The following CSMD1 variants were observed in gnomAD, a reference collection of about 807,000 sequenced individuals.
CSMD1 encodes CUB and Sushi multiple domains 1, also known as CUB and sushi domain-containing protein 1.
Under a neutral mutation model 417.5 loss-of-function variants are expected in CSMD1, and 213 were observed. The observed-to-expected ratio is 0.51, with a 90% CI of 0.46 to 0.57. The LOEUF (loss-of-function observed/expected upper bound fraction) is 0.57. Ranked by LOEUF, CSMD1 falls within the 20% of genes least tolerant of loss-of-function variation. The pLI, the probability that CSMD1 is intolerant of heterozygous loss-of-function variation, is 0.00. For synonymous variants in CSMD1, 2,862 were observed against 1,736.8 expected (o/e 1.65, Z -16.11); for missense variants, 6,923 against 4,529.7 (o/e 1.53, Z -15.17).
chr8:4,337,561 C>T (rs554878638), intron 3 of CSMD1, among the ~76,000 whole-genome samples: 1 of 152,230 alleles, frequency 6.6e-6, no homozygotes, highest in South Asian at 2.1e-4. Context: ...CGATGAAGTA[C>T]ATGTGAGGCA....
At position 3,998,107 on chromosome 8, in the gene CSMD1, T is replaced by C. The variant is rs781511185; in HGVS notation, c.614A>G (p.Glu205Gly). Residue 205 changes from glutamate to glycine, a missense_variant, in exon 5 of 70, where the codon GAG (glutamate) becomes GGG (glycine). Glu to Gly is a moderately conservative substitution (Grantham distance 98). Transcript: ENST00000635120. ...GCGTAAGGTTCCTCCGCAGGCTCCC[T>C]CAGCTGCAGGGGCAAAAGCAGAAAG... ...WDFPAPFCRA[E>G]GACGGTLRGT... The C allele has an allele frequency of 5.1e-6, 8 of 1,562,240 alleles. No individual in the cohort carries two copies. Among genetic ancestry groups the C allele is most frequent in the South Asian group, 1.2e-5 (1 of 85,170 alleles).
chr8:3,036,773 G>A (rs1585200048), intron 50 of CSMD1, among the ~76,000 whole-genome samples: 2 of 151,984 alleles, frequency 1.3e-5, no homozygotes, highest in Admixed American at 6.6e-5. Context: ...TAAAAAACCC[G>A]TCCACCAAGA....
intron 3 of CSMD1, among the ~76,000 whole-genome samples, chr8:4,263,721 A>C (rs1276079180): frequency 6.6e-6 from 1 of 152,202 alleles, no homozygotes; most frequent in Admixed American, 6.5e-5. Flanking sequence ...GGCAACAATA[A>C]TAAAATGCTG....
chr8:4,051,777 G>T (rs1351580791), intron 3 of CSMD1, among the ~76,000 whole-genome samples: 1 of 152,176 alleles, frequency 6.6e-6, no homozygotes, highest in African/African-American at 2.4e-5. Context: ...GGCTCCCAGT[G>T]TCCCAGGTGT....
At chr8:3,693,316 T>C (rs929433005) in intron 7 of CSMD1, among the ~76,000 whole-genome samples, 2 of 152,226 alleles carry the variant, frequency 1.3e-5, no homozygotes, top group African/African-American at 4.8e-5. Context: ...GAAATATATA[T>C]ATGATAATTT....
chr8:4,349,828 T>A, intron 3 of CSMD1, among the ~76,000 whole-genome samples: 1 of 152,058 alleles, frequency 6.6e-6, no homozygotes, highest in East Asian at 1.9e-4. Flanking sequence ...ACCTTTTTTT[T>A]TTTTTTTTAA....
chr8:4,619,995 T>G (rs1414223313), intron 2 of CSMD1, among the ~76,000 whole-genome samples: 1 of 152,056 alleles, frequency 6.6e-6, no homozygotes, highest in Non-Finnish European at 1.5e-5. Flanking sequence ...ATTACAAATA[T>G]GTTCTTAAGC....
At chr8:3,830,784 C>A (rs533433639) in intron 5 of CSMD1, among the ~76,000 whole-genome samples, 1 of 152,036 alleles carries the variant, frequency 6.6e-6, no homozygotes, top group Non-Finnish European at 1.5e-5. Flanking sequence ...TGGATATGCA[C>A]GCCAGTAAAA....
chr8:4,929,717 G>C (rs1315566237), intron 1 of CSMD1, among the ~76,000 whole-genome samples: 1 of 152,022 alleles, frequency 6.6e-6, no homozygotes, highest in Non-Finnish European at 1.5e-5. Context: ...TCTGGAGCCC[G>C]CACTTGACAA....
At chr8:4,578,586 G>T (rs1439693916) in intron 2 of CSMD1, among the ~76,000 whole-genome samples, 2 of 151,240 alleles carry the variant, frequency 1.3e-5, no homozygotes, top group Admixed American at 6.6e-5. Context: ...GGAGGCCAAG[G>T]TGGGCGGTTC....
chr8:4,869,315 G>C (rs1312821680), intron 1 of CSMD1, among the ~76,000 whole-genome samples: 1 of 151,980 alleles, frequency 6.6e-6, no homozygotes. Context: ...AAACAGTGGA[G>C]GAGTTGTGTC....
chr8:3,393,508 G>A (rs1473506372), intron 17 of CSMD1, among the ~76,000 whole-genome samples: 2 of 152,084 alleles, frequency 1.3e-5, no homozygotes, highest in African/African-American at 4.8e-5. Context: ...GTGTCTGTTG[G>A]CTGCATAAAT....
At chr8:3,381,277 A>C (rs1266923047) in intron 18 of CSMD1, among the ~76,000 whole-genome samples, 1 of 152,170 alleles carries the variant, frequency 6.6e-6, no homozygotes, top group Non-Finnish European at 1.5e-5. Context: ...CATGAAAAAA[A>C]AAAGAGAGCA....
chr8:4,538,886 G>C (rs1325251056), intron 2 of CSMD1, among the ~76,000 whole-genome samples: 2 of 152,128 alleles, frequency 1.3e-5, no homozygotes, highest in Non-Finnish European at 2.9e-5. Flanking sequence ...GCTTACCAAA[G>C]TTCCCCTTTT....
chr8:4,317,359 T>G (rs1280898384), intron 3 of CSMD1, among the ~76,000 whole-genome samples: 1 of 152,214 alleles, frequency 6.6e-6, no homozygotes, highest in Non-Finnish European at 1.5e-5. Context: ...ACGTCTGTGT[T>G]ATAAGCTGTG....
At chr8:3,329,089 G>C (rs555752256) in intron 23 of CSMD1, among the ~76,000 whole-genome samples, 2 of 152,132 alleles carry the variant, frequency 1.3e-5, no homozygotes, top group Non-Finnish European at 2.9e-5. Context: ...GTAGTTGAGG[G>C]AGAGAGAAGA....
chr8:4,217,972 G>T (rs1027437732), intron 3 of CSMD1, among the ~76,000 whole-genome samples: 5 of 152,150 alleles, frequency 3.3e-5, no homozygotes, highest in Non-Finnish European at 7.4e-5. Context: ...CATGGTAGTT[G>T]GTGGGAAACA....
At position 4,904,576 on chromosome 8, in the gene CSMD1, C is replaced by A. The variant is rs1478065982; in HGVS notation, c.85+89756G>T. Among the ~76,000 whole-genome samples the A allele has an allele frequency of 1.3e-5, 2 of 152,068 alleles. 1 individual carries two copies. ...TGGAGCCACAGAATATCATTAAACA[C>A]ATATAGTGAATATCATTAAGCACAT... is the stretch of plus-strand genomic sequence containing the variant. On this transcript the variant is annotated intron_variant, in intron 1 of 69. Coordinates refer to ENST00000635120, the MANE Select transcript of CSMD1 (RefSeq NM_033225.6).
Position 3,703,120 on chromosome 8 carries a change from A to G in CSMD1, c.1009+5294T>C, listed in dbSNP as rs562664981. 2.6e-5 allele frequency among the ~76,000 whole-genome samples: 4 copies of G among 152,310 alleles called. 1 individual carries two copies. In the South Asian group the frequency reaches 8.3e-4, roughly 32 times the overall value. ...TCTTAATATCTTTGGGTTTTTCTTC[A>G]AACATTACTGATTACAAGCTGGTGA... On this transcript the variant is annotated intron_variant, in intron 7 of 69. Coordinates refer to ENST00000635120, the MANE Select transcript of CSMD1 (RefSeq NM_033225.6).
Sources: gnomAD v4.1 joint callset for allele counts (sites outside exome capture counted in the v4.1 genomes callset) on GRCh38, gnomAD v4.1.1 for gene constraint, MANE v1.5 for transcripts, NCBI Gene and HGNC (gene_info 2026-07-23, HGNC 2026-07-21) for gene names.